PDE10A: variants seen among roughly 807,000 people sequenced by gnomAD.
PDE10A encodes phosphodiesterase 10A.
In PDE10A, 39 loss-of-function variants were observed where a neutral mutation model predicts 97.7. That is an observed-to-expected ratio of 0.40 (90% CI 0.31 to 0.52). The LOEUF (loss-of-function observed/expected upper bound fraction) is 0.52. PDE10A is among the 20% of genes least tolerant of loss of function. The probability of loss-of-function intolerance (pLI) is 0.56; values close to 1 mark genes in which losing one functional copy is unlikely to be tolerated. For synonymous variants in PDE10A, 371 were observed against 376.8 expected, an observed-to-expected ratio of 0.98 and a Z score of 0.18; for missense variants, 731 against 1,047.8, an observed-to-expected ratio of 0.70 and a Z score of 4.17.
chr6:165,638,324 C>A (rs138937817), intron 1 of PDE10A, among the ~76,000 whole-genome samples: 1 of 152,046 alleles, frequency 6.6e-6, no homozygotes, highest in Non-Finnish European at 1.5e-5. Context: ...CAAAACTAAA[C>A]GCAAATAAAA....
Position 165,330,799 on chromosome 6 carries a change from T to A in PDE10A, c.*2226A>T, listed in dbSNP as rs1781297475. 1 of 152,170 alleles carries A rather than the reference T, an allele frequency of 6.6e-6. No homozygotes were observed. Among genetic ancestry groups the A allele is most frequent in the Admixed American group, 6.5e-5 (1 of 15,272 alleles). 9.4% of individuals were successfully genotyped at this position (152,170 alleles called of 1,614,324 possible). On this transcript the variant is annotated 3_prime_UTR_variant, in exon 22 of 22. Transcript: ENST00000539869. ...TAAAATTCTTGTAATTAAACAATAATCTTAAATAATATATCCCTTCCTGAA... is the reference window on the plus strand; with the variant it reads ...TAAAATTCTTGTAATTAAACAATAAACTTAAATAATATATCCCTTCCTGAA...
intron 1 of PDE10A, among the ~76,000 whole-genome samples, chr6:165,695,324 C>T (rs1176069311): frequency 2.0e-5 from 3 of 151,024 alleles, no homozygotes; most frequent in Non-Finnish European, 4.4e-5. Flanking sequence ...GACAATCTAT[C>T]AAAATCTGGT....
chr6:165,367,340 C>T (rs1225103574), intron 18 of PDE10A, among the ~76,000 whole-genome samples: 1 of 148,584 alleles, frequency 6.7e-6, no homozygotes, highest in African/African-American at 2.5e-5. Flanking sequence ...GGAAAAAAAA[C>T]AGTGAGATTA....
At chr6:165,926,052 A>C (rs1782925538) in intron 1 of PDE10A, among the ~76,000 whole-genome samples, 1 of 152,262 alleles carries the variant, frequency 6.6e-6, no homozygotes, top group African/African-American at 2.4e-5. Context: ...TTAAAATAAA[A>C]GTTTAAAAAA....
intron 1 of PDE10A, among the ~76,000 whole-genome samples, chr6:165,814,094 A>G (rs9348048): frequency 0.21 from 32,288 of 152,104 alleles, 3,801 homozygotes; most frequent in Middle Eastern, 0.3. Context: ...CAAGGATGTT[A>G]TGAAATACAC....
chr6:165,384,185 G>A (rs1012828357), intron 17 of PDE10A, among the ~76,000 whole-genome samples: 10 of 152,124 alleles, frequency 6.6e-5, no homozygotes, highest in African/African-American at 2.4e-4. Context: ...TGATGGATGA[G>A]GAGGAAAAGG....
At chr6:165,879,873 G>C (rs539100286) in intron 1 of PDE10A, among the ~76,000 whole-genome samples, 1 of 150,476 alleles carries the variant, frequency 6.6e-6, no homozygotes, top group Non-Finnish European at 1.5e-5. Flanking sequence ...GGGGCCAACC[G>C]TGTCTCCAAA....
chr6:165,658,812 T>C, intron 1 of PDE10A, among the ~76,000 whole-genome samples: 1 of 152,132 alleles, frequency 6.6e-6, no homozygotes, highest in East Asian at 1.9e-4. Flanking sequence ...GATCAGCAAC[T>C]AGAGGCAGAT....
Position 165,448,978 on chromosome 6 carries a change from C to T in PDE10A, c.1145-1G>A. 1 of 1,611,388 alleles carries T rather than the reference C, an allele frequency of 6.2e-7. No homozygotes were observed. On this transcript the variant is annotated splice_acceptor_variant, in intron 4 of 21. Transcript: ENST00000539869. LOFTEE classifies it high-confidence loss of function. ...AGTGCAAATCCATCGGCTTTTGTGG[C>T]TGCCAAAGTAATAAGAAAAGGAAGA... is the stretch of plus-strand genomic sequence containing the variant.
chr6:165,439,035 A>G (rs1270214641), intron 5 of PDE10A, among the ~76,000 whole-genome samples: 1 of 152,094 alleles, frequency 6.6e-6, no homozygotes, highest in Non-Finnish European at 1.5e-5. Context: ...ATCATTAATA[A>G]ATGATTAACG....
chr6:165,554,065 G>A (rs139267498), intron 1 of PDE10A, among the ~76,000 whole-genome samples: 41 of 152,240 alleles, frequency 2.7e-4, no homozygotes, highest in African/African-American at 9.4e-4. Flanking sequence ...TGAGGCACCA[G>A]ACGCTCAAAT....
intron 1 of PDE10A, among the ~76,000 whole-genome samples, chr6:165,770,882 T>TGA (rs1389382773): frequency 1.3e-5 from 2 of 152,194 alleles, no homozygotes; most frequent in Non-Finnish European, 2.9e-5. Context: ...ACCTTGCACG[T>TGA]GAGCACACTG....
rs868471912 is a variant in PDE10A, at chr6:165,372,116, A to G, written c.2783+7078T>C. On this transcript the variant is annotated intron_variant, in intron 18 of 21. Transcript: ENST00000539869. ...GCTATCTATGACAAACCCACAGCCA[A>G]TATCATACTGAATGGGCAAAAACTG... 2.7e-5 allele frequency among the ~76,000 whole-genome samples: 4 copies of G among 149,280 alleles called. No homozygotes were observed. The South Asian group carries it at 8.6e-4, about 32-fold the overall frequency.
At chr6:165,735,592 C>T (rs1338361846) in intron 1 of PDE10A, among the ~76,000 whole-genome samples, 1 of 152,098 alleles carries the variant, frequency 6.6e-6, no homozygotes, top group Non-Finnish European at 1.5e-5. Context: ...GGGCTGGGAG[C>T]TGCTGTAGAA....
chr6:165,614,690 T>C (rs1458366118), intron 1 of PDE10A, among the ~76,000 whole-genome samples: 2 of 152,118 alleles, frequency 1.3e-5, no homozygotes, highest in Non-Finnish European at 2.9e-5. Flanking sequence ...ATTTCCAGCA[T>C]CTAGCAGAGT....
rs537488622 is a variant in PDE10A, at chr6:165,367,382, C to A, written c.2783+11812G>T. On this transcript the variant is annotated intron_variant, in intron 18 of 21. Transcript: ENST00000539869. ...TCACAACAAAATACACAAACCATTA[C>A]CAGTGAAAAACCATACAGAGCCTTA... Among the ~76,000 whole-genome samples, 6 of 151,970 alleles carry A rather than the reference C, an allele frequency of 3.9e-5. No individual in the cohort carries two copies. In the South Asian group the frequency reaches 1.2e-3, roughly 32 times the overall value.
Position 165,965,722 on chromosome 6 carries a change from G to A in PDE10A, c.-615+21807C>T, listed in dbSNP as rs368043152. The stretch of plus-strand genomic sequence containing the variant: ...CATTTAGAAATGTCTGGGCCTATGC[G>A]AGTCTGAGTTTGATCATAAGTACTA... On this transcript the variant is annotated intron_variant, in intron 1 of 19. Coordinates refer to the PDE10A transcript ENST00000366882. Among the ~76,000 whole-genome samples the A allele has an allele frequency of 2.8e-4, 43 of 152,306 alleles. No individual in the cohort carries two copies. In the South Asian group the frequency reaches 8.1e-3, roughly 29 times the overall value.
At chr6:165,879,048 C>T (rs1317727364) in intron 1 of PDE10A, among the ~76,000 whole-genome samples, 2 of 152,170 alleles carry the variant, frequency 1.3e-5, no homozygotes, top group Non-Finnish European at 2.9e-5. Flanking sequence ...GTTACAGCAG[C>T]AATAGACACT....
intron 1 of PDE10A, among the ~76,000 whole-genome samples, chr6:165,859,197 C>T (rs1321707616): frequency 6.6e-6 from 1 of 152,238 alleles, no homozygotes; most frequent in Non-Finnish European, 1.5e-5. Context: ...AACACTGAAA[C>T]TCACGCCAGG....
Sources: gnomAD v4.1 joint callset for allele counts (sites outside exome capture counted in the v4.1 genomes callset) on GRCh38, gnomAD v4.1.1 for gene constraint, MANE v1.5 for transcripts, NCBI Gene and HGNC (gene_info 2026-07-23, HGNC 2026-07-21) for gene names.